Variants in SHC4 observed in about 807,000 individuals in gnomAD.
SHC4 encodes the protein SHC-transforming protein 4.
In SHC4, 41 loss-of-function variants were observed where a neutral mutation model predicts 69.4. That is an observed-to-expected ratio of 0.59 (90% CI 0.46 to 0.77). The LOEUF (loss-of-function observed/expected upper bound fraction) is 0.77, where lower values mean the gene tolerates loss of function less well. Ranked by LOEUF, SHC4 falls within the 30% of genes least tolerant of loss-of-function variation. The pLI is 0.00. For synonymous variants in SHC4, 318 were observed against 299.3 expected, an observed-to-expected ratio of 1.06 and a Z score of -0.64; for missense variants, 777 against 783.8, an observed-to-expected ratio of 0.99 and a Z score of 0.10.
At chr15:48,899,323 T>G (rs963955884) in intron 2 of SHC4, among the ~76,000 whole-genome samples, 2 of 152,190 alleles carry the variant, frequency 1.3e-5, no homozygotes, top group Middle Eastern at 3.4e-3. Context: ...AAAAATTAGC[T>G]GGGCATGGTG....
chr15:48,929,088 G>A (rs72741915), intron 1 of SHC4, among the ~76,000 whole-genome samples: 8,404 of 152,168 alleles, frequency 0.055, 389 homozygotes, highest in Non-Finnish European at 0.076. Flanking sequence ...TTACCCCAAA[G>A]ACAAGAATGG....
intron 1 of SHC4, among the ~76,000 whole-genome samples, chr15:48,943,370 T>C (rs1482020628): frequency 6.6e-6 from 1 of 152,228 alleles, no homozygotes; most frequent in African/African-American, 2.4e-5. Flanking sequence ...TTTCTATATC[T>C]GGCTTATTTC....
rs200951538 is a variant in SHC4 at position 48,834,720 on chromosome 15, C to T, written c.1737+49G>A. ...GGTTTTGGAAATCATTCAGGGTATG[C>T]TTAATAGAACAACATCCTGTGAAAC... On this transcript the variant is annotated intron_variant, in intron 11 of 11. Coordinates refer to ENST00000332408, the MANE Select transcript of SHC4 (RefSeq NM_203349.4). 5 of 1,601,218 alleles carry T rather than the reference C, an allele frequency of 3.1e-6. No individual in the cohort carries two copies. The East Asian group carries it at 8.9e-5, about 29-fold the overall frequency.
intron 3 of SHC4, among the ~76,000 whole-genome samples, chr15:48,887,288 A>G (rs1160945133): frequency 6.6e-6 from 1 of 152,330 alleles, no homozygotes; most frequent in Non-Finnish European, 1.5e-5. Flanking sequence ...AGCAGATAAC[A>G]TTGTGATTAA....
chr15:48,857,761 A>G lies in SHC4; in HGVS notation c.1001T>C (p.Ile334Thr), dbSNP rs775161448. ...AAACCGGAGTTCAAAAGCCTGCCCTATGGTACTTATGACGTCTTGGGCCAT... is the reference window on the plus strand; with the variant it reads ...AAACCGGAGTTCAAAAGCCTGCCCTGTGGTACTTATGACGTCTTGGGCCAT... ...NGMAQDVIST[I>T]GQAFELRFKQ... is the part of the protein sequence containing the mutation. Residue 334 changes from isoleucine to threonine, a missense_variant, in exon 7 of 12, where the codon ATA becomes ACA. Transcript: ENST00000332408. The G allele has an allele frequency of 6.8e-6, 11 of 1,606,070 alleles. No homozygotes were observed. The highest frequency in any genetic ancestry group is 1.7e-4 in the Middle Eastern group (1 of 6,046).
intron 9 of SHC4, among the ~76,000 whole-genome samples, chr15:48,844,684 T>C (rs151003202): frequency 0.026 from 3,984 of 152,296 alleles, 63 homozygotes; most frequent in Middle Eastern, 0.061. Flanking sequence ...TCCTCATGTG[T>C]CAAGGGCAGG....
chr15:48,918,202 G>T (rs544832552), intron 2 of SHC4, among the ~76,000 whole-genome samples: 1 of 152,062 alleles, frequency 6.6e-6, no homozygotes, highest in African/African-American at 2.4e-5. Flanking sequence ...AAAAGATCCC[G>T]TCCACCACCC....
intron 7 of SHC4, among the ~76,000 whole-genome samples, 154 bp from the exon 8 acceptor site, chr15:48,856,278 G>C (rs1281789233): frequency 2.6e-5 from 4 of 152,154 alleles, no homozygotes; most frequent in Non-Finnish European, 5.9e-5. Context: ...ACATTTGGAT[G>C]GGAGCAGTCA....
At chr15:48,877,997 C>A in intron 4 of SHC4, 1 of 659,672 alleles carries the variant, frequency 1.5e-6, no homozygotes. Flanking sequence ...GCCAACACCC[C>A]GGAGAAAACA....
chr15:48,835,124 G>A, intron 10 of SHC4, 102 bp from the exon 11 acceptor site: 1 of 1,389,694 alleles, frequency 7.2e-7, no homozygotes, highest in Non-Finnish European at 9.6e-7. Context: ...CCTACTGTGT[G>A]CCAGCCATTG....
At chr15:48,869,552 T>C (rs921074609) in intron 5 of SHC4, among the ~76,000 whole-genome samples, 3 of 152,206 alleles carry the variant, frequency 2.0e-5, no homozygotes, top group African/African-American at 7.2e-5. Context: ...ACACTAACCA[T>C]GTATCATTTC....
At chr15:48,913,171 C>T (rs968835857) in intron 2 of SHC4, among the ~76,000 whole-genome samples, 1 of 151,414 alleles carries the variant, frequency 6.6e-6, no homozygotes, top group Non-Finnish European at 1.5e-5. Flanking sequence ...GATTATATGC[C>T]CTTTGTCTTC....
chr15:48,937,367 T>C (rs1901090588), intron 1 of SHC4, among the ~76,000 whole-genome samples: 1 of 152,152 alleles, frequency 6.6e-6, no homozygotes. Context: ...CTGGCCCTGA[T>C]GCCTTTTTAC....
chr15:48,830,304 ATACTC>A (rs1898773065), intron 11 of SHC4, among the ~76,000 whole-genome samples: 1 of 152,220 alleles, frequency 6.6e-6, no homozygotes, highest in African/African-American at 2.4e-5. Flanking sequence ...TCACATACAA[ATACTC>A]TACACTGTTA....
intron 2 of SHC4, among the ~76,000 whole-genome samples, chr15:48,896,214 TTC>T (rs1292069828): frequency 7.5e-5 from 11 of 147,224 alleles, no homozygotes; most frequent in Non-Finnish European, 1.5e-4. Flanking sequence ...CTTCCTTTCT[TTC>T]TCTCTCTCTC....
intron 1 of SHC4, among the ~76,000 whole-genome samples, chr15:48,925,235 T>A (rs1900830763): frequency 6.6e-6 from 1 of 152,210 alleles, no homozygotes; most frequent in Non-Finnish European, 1.5e-5. Flanking sequence ...GGCCAGATCA[T>A]GTGAATTTGC....
intron 2 of SHC4, among the ~76,000 whole-genome samples, chr15:48,914,048 A>T (rs566338746): frequency 6.6e-6 from 1 of 152,268 alleles, no homozygotes; most frequent in East Asian, 1.9e-4. Flanking sequence ...TTTGGTAGAG[A>T]CAGGGTTTCA....
chr15:48,954,219 C>A (rs931381876), intron 1 of SHC4, among the ~76,000 whole-genome samples: 1 of 152,200 alleles, frequency 6.6e-6, no homozygotes, highest in South Asian at 2.1e-4. Context: ...GTAGCATTCA[C>A]CTCCCCTCCC....
intron 1 of SHC4, among the ~76,000 whole-genome samples, chr15:48,931,080 T>C (rs1900956445): frequency 6.6e-6 from 1 of 152,230 alleles, no homozygotes; most frequent in South Asian, 2.1e-4. Context: ...AACTCTCTTC[T>C]TTAGCTTTCC....
Sources: allele counts gnomAD v4.1 joint callset (sites outside exome capture counted in the v4.1 genomes callset), GRCh38; gene constraint gnomAD v4.1.1; transcripts MANE v1.5; gene names NCBI Gene and HGNC (gene_info 2026-07-23, HGNC 2026-07-21).